Variants in PRKAG2 observed in about 807,000 individuals in gnomAD.
PRKAG2 encodes the protein protein kinase AMP-activated non-catalytic subunit gamma 2, also known as 5'-AMP-activated protein kinase subunit gamma-2.
In PRKAG2, 26 loss-of-function variants were observed where a neutral mutation model predicts 69.6. The ratio of observed to expected loss-of-function variants is 0.37; its 90% CI spans 0.27 to 0.52. PRKAG2 has a LOEUF of 0.52. PRKAG2 is among the 20% of genes least tolerant of loss of function. The probability of loss-of-function intolerance (pLI) is 0.90; values close to 1 mark genes in which losing one functional copy is unlikely to be tolerated. For synonymous variants in PRKAG2, 293 were observed against 285.0 expected (o/e 1.03, Z -0.28); for missense variants, 557 against 740.0 (o/e 0.75, Z 2.87).
intron 1 of PRKAG2, among the ~76,000 whole-genome samples, chr7:151,798,091 G>A (rs777771853): frequency 2.4e-4 from 36 of 152,278 alleles, no homozygotes; most frequent in Non-Finnish European, 4.7e-4. Context: ...TGCAACCTCC[G>A]CCTCCTGGGT....
chr7:151,862,127 C>T (rs1422882144), intron 1 of PRKAG2, among the ~76,000 whole-genome samples: 4 of 152,034 alleles, frequency 2.6e-5, no homozygotes, highest in East Asian at 3.9e-4. Context: ...AAGGTCTAGG[C>T]GCCCGGCCCG....
At chr7:151,730,490 A>G (rs577127417) in intron 3 of PRKAG2, among the ~76,000 whole-genome samples, 5 of 152,336 alleles carry the variant, frequency 3.3e-5, no homozygotes, top group African/African-American at 9.6e-5. Flanking sequence ...ACATAGGGAA[A>G]CCCCGTCTCT....
At chr7:151,749,305 T>A (rs1209408060) in intron 3 of PRKAG2, among the ~76,000 whole-genome samples, 1 of 152,178 alleles carries the variant, frequency 6.6e-6, no homozygotes, top group East Asian at 1.9e-4. Context: ...CAGTCCCCCG[T>A]CCATCAGCCT....
At chr7:151,690,688 C>A (rs1428055434) in intron 3 of PRKAG2, among the ~76,000 whole-genome samples, 1 of 152,156 alleles carries the variant, frequency 6.6e-6, no homozygotes, top group Non-Finnish European at 1.5e-5. Flanking sequence ...CTTAGGGGAG[C>A]CGGGTTTTTT....
At position 151,602,755 on chromosome 7, in the gene PRKAG2, G is replaced by C. The variant is rs567353825; in HGVS notation, c.755-7301C>G. On this transcript the variant is annotated intron_variant, in intron 5 of 15. Coordinates refer to ENST00000287878, the MANE Select transcript of PRKAG2 (RefSeq NM_016203.4). ...TCCCCACGTGCCAAGGGCAGGACCT[G>C]CTGGGAGGTGATTGGATCATGGGGG... Among the ~76,000 whole-genome samples the C allele has an allele frequency of 9.9e-5, 15 of 152,260 alleles. 1 individual carries two copies. In the South Asian group the frequency reaches 3.1e-3, roughly 32 times the overall value.
At chr7:151,662,438 C>T (rs1830457597) in intron 4 of PRKAG2, among the ~76,000 whole-genome samples, 1 of 152,190 alleles carries the variant, frequency 6.6e-6, no homozygotes, top group Non-Finnish European at 1.5e-5. Context: ...TCCCACACGC[C>T]ACATATCCAG....
chr7:151,770,477 T>G (rs1408791304), intron 3 of PRKAG2, among the ~76,000 whole-genome samples: 5 of 152,242 alleles, frequency 3.3e-5, no homozygotes, highest in African/African-American at 1.2e-4. Flanking sequence ...AATCCCTGTC[T>G]TCCACTCTCG....
Position 151,644,288 on chromosome 7 carries a change from AATAAAAT to A in PRKAG2, c.685-12157_685-12151del, listed in dbSNP as rs1411414555. 2.6e-5 allele frequency among the ~76,000 whole-genome samples: 4 copies of A among 152,206 alleles called. No individual in the cohort carries two copies. In the East Asian group the frequency reaches 7.7e-4, roughly 29 times the overall value. ...TAAATGTTAAAGAGAAAATTAAAAA[AATAAAAT>A]ATAGAGAAAATTTTTTTATCACTCC... On this transcript the variant is annotated intron_variant, in intron 4 of 15. Coordinates refer to ENST00000287878, the MANE Select transcript of PRKAG2 (RefSeq NM_016203.4).
intron 1 of PRKAG2, among the ~76,000 whole-genome samples, chr7:151,787,977 A>T (rs1303141849): frequency 2.0e-5 from 3 of 152,228 alleles, no homozygotes; most frequent in African/African-American, 7.2e-5. Context: ...AGCCTCCAGA[A>T]TCATGAGAAA....
chr7:151,695,830 A>G (rs1836521408), intron 3 of PRKAG2, among the ~76,000 whole-genome samples: 1 of 151,996 alleles, frequency 6.6e-6, no homozygotes, highest in Non-Finnish European at 1.5e-5. Context: ...TCCCTGGCCT[A>G]CAGACCTTTG....
intron 1 of PRKAG2, among the ~76,000 whole-genome samples, chr7:151,792,553 G>A (rs1048109759): frequency 6.6e-6 from 1 of 152,174 alleles, no homozygotes; most frequent in African/African-American, 2.4e-5. Flanking sequence ...ATGCAGTTCC[G>A]ACCTTCCAGC....
Position 151,601,749 on chromosome 7 carries a change from A to G in PRKAG2, c.755-6295T>C, listed in dbSNP as rs115846915. Among the ~76,000 whole-genome samples, 643 of 152,336 alleles carry G rather than the reference A, an allele frequency of 4.2e-3. 5 individuals carry two copies. Among genetic ancestry groups the G allele is most frequent in the African/African-American group, 0.014 (593 of 41,582 alleles). ...TGAAATATGAGAACTTGGATGAGACAGGATTCTGGTGAGGCACCCGCAGCA... is the reference window on the plus strand; with the variant it reads ...TGAAATATGAGAACTTGGATGAGACGGGATTCTGGTGAGGCACCCGCAGCA... On this transcript the variant is annotated intron_variant, in intron 5 of 15. Coordinates refer to ENST00000287878, the MANE Select transcript of PRKAG2 (RefSeq NM_016203.4).
intron 1 of PRKAG2, among the ~76,000 whole-genome samples, chr7:151,827,760 A>C (rs1415574762): frequency 2.7e-5 from 4 of 149,656 alleles, no homozygotes; most frequent in African/African-American, 7.3e-5. Flanking sequence ...AAAAAAAAAA[A>C]AAAAAAAAAA....
At chr7:151,690,290 C>T (rs1719354850) in intron 3 of PRKAG2, among the ~76,000 whole-genome samples, 1 of 152,192 alleles carries the variant, frequency 6.6e-6, no homozygotes, top group African/African-American at 2.4e-5. Context: ...ACAGTACCTA[C>T]CCCTGGTAGA....
rs188981682 is a variant in PRKAG2, at chr7:151,850,063, C to T, written c.114+26444G>A. Reference sequence around the variant, plus strand: ...AGGCTCTGCTGGGCTGCAGGGGGAGCGAGACACACCAGGGAGGCTGAGAAC... The same window carrying T: ...AGGCTCTGCTGGGCTGCAGGGGGAGTGAGACACACCAGGGAGGCTGAGAAC... On this transcript the variant is annotated intron_variant, in intron 1 of 15. Transcript: ENST00000287878. The surrounding 1 kb of genome is among the most constrained non-coding windows in gnomAD (Gnocchi z 4.1). Among the ~76,000 whole-genome samples, 3 of 152,154 alleles carry T rather than the reference C, an allele frequency of 2.0e-5. No homozygotes were observed. The highest frequency in any genetic ancestry group is 7.2e-5 in the African/African-American group (3 of 41,498).
chr7:151,611,184 T>G (rs937835055), intron 5 of PRKAG2, among the ~76,000 whole-genome samples: 1 of 152,196 alleles, frequency 6.6e-6, no homozygotes, highest in Non-Finnish European at 1.5e-5. Flanking sequence ...CAGAGCACAC[T>G]GGGGTCAGAA....
intron 8 of PRKAG2, among the ~76,000 whole-genome samples, chr7:151,573,066 T>C (rs1384620868): frequency 6.6e-6 from 1 of 151,736 alleles, no homozygotes; most frequent in Non-Finnish European, 1.5e-5. Context: ...TGAGCCGAGA[T>C]GGTACCACTG....
chr7:151,665,288 C>G (rs1419401119), intron 4 of PRKAG2, among the ~76,000 whole-genome samples: 1 of 152,114 alleles, frequency 6.6e-6, no homozygotes, highest in African/African-American at 2.4e-5. Flanking sequence ...ACGACAGAGG[C>G]AGGGAGTTTA....
At chr7:151,767,480 G>A (rs1007762835) in intron 3 of PRKAG2, among the ~76,000 whole-genome samples, 19 of 152,298 alleles carry the variant, frequency 1.2e-4, no homozygotes, top group Middle Eastern at 6.8e-3. Context: ...TAGTAGAGAT[G>A]GGGTTTTACC....
Sources: allele counts gnomAD v4.1 joint callset (sites outside exome capture counted in the v4.1 genomes callset), GRCh38; gene constraint gnomAD v4.1.1; non-coding constraint Gnocchi (gnomAD v3.1); transcripts MANE v1.5; gene names NCBI Gene and HGNC (gene_info 2026-07-23, HGNC 2026-07-21).